The following ABCD3 variants were observed in gnomAD, a reference collection of about 807,000 sequenced individuals.
The protein encoded by ABCD3 is ATP binding cassette subfamily D member 3.
ABCD3 carries 41 observed loss-of-function variants against 105.5 expected under a neutral mutation model. The ratio of observed to expected loss-of-function variants is 0.39; its 90% CI spans 0.30 to 0.50. ABCD3 has a LOEUF of 0.50. ABCD3 is among the 20% of genes least tolerant of loss of function. ABCD3 has a pLI of 0.84. For synonymous variants in ABCD3, 258 were observed against 269.0 expected (o/e 0.96, Z 0.40); for missense variants, 622 against 806.3 (o/e 0.77, Z 2.77).
At chr1:94,476,555 G>A (rs751405299) in intron 7 of ABCD3, among the ~76,000 whole-genome samples, 5 of 152,042 alleles carry the variant, frequency 3.3e-5, no homozygotes, top group African/African-American at 9.7e-5. Context: ...CTTTGCCTCT[G>A]GTCACAGTTG....
chr1:94,478,864 T>C (rs893711051), intron 8 of ABCD3: 5 of 252,376 alleles, frequency 2.0e-5, no homozygotes, highest in Non-Finnish European at 3.5e-5. Context: ...ATGTAAATGG[T>C]TGGCTATCCC....
intron 1 of ABCD3, 175 bp downstream of exon 1, chr1:94,418,763 C>T: frequency 1.5e-6 from 1 of 661,822 alleles, no homozygotes. Flanking sequence ...CCCGCCACGA[C>T]GGCGTCGGTC....
chr1:94,424,036 GC>G (rs1284837109), intron 1 of ABCD3, among the ~76,000 whole-genome samples: 1 of 152,060 alleles, frequency 6.6e-6, no homozygotes, highest in Non-Finnish European at 1.5e-5. Context: ...ATGTTATATG[GC>G]CCCGTTTGGA....
chr1:94,499,202 A>T (rs1041866689), intron 19 of ABCD3, among the ~76,000 whole-genome samples, 168 bp downstream of exon 19: 1 of 152,222 alleles, frequency 6.6e-6, no homozygotes, highest in Non-Finnish European at 1.5e-5. Flanking sequence ...TTGGCTTAAA[A>T]AGAGTTTAAT....
the ABCD3 span, among the ~76,000 whole-genome samples, chr1:94,389,392 AAC>A: frequency 6.6e-6 from 1 of 152,178 alleles, no homozygotes; most frequent in Admixed American, 6.5e-5. Flanking sequence ...GAGGGCAAGG[AAC>A]ACCTGGCCCA....
chr1:94,443,553 T>G (rs1174580808), intron 1 of ABCD3, among the ~76,000 whole-genome samples: 1 of 152,236 alleles, frequency 6.6e-6, no homozygotes, highest in African/African-American at 2.4e-5. Context: ...AGAAGAGCTT[T>G]TCTCTTGTTT....
chr1:94,421,289 A>T (rs2100865115), intron 1 of ABCD3, among the ~76,000 whole-genome samples: 1 of 152,256 alleles, frequency 6.6e-6, no homozygotes, highest in South Asian at 2.1e-4. Flanking sequence ...TACATTTTTT[A>T]AACAAATGGA....
intron 8 of ABCD3, 106 bp from the exon 9 acceptor site, chr1:94,480,358 C>A: frequency 2.8e-6 from 4 of 1,433,616 alleles, no homozygotes; most frequent in Non-Finnish European, 3.9e-6. Context: ...AGGGCAATTT[C>A]TTTCAGTCAT....
chr1:94,439,911 G>A (rs920979502), intron 1 of ABCD3, among the ~76,000 whole-genome samples: 4 of 152,144 alleles, frequency 2.6e-5, no homozygotes, highest in African/African-American at 9.7e-5. Context: ...AGGTTGGAAT[G>A]CAGTGGCTAT....
chr1:94,473,722 T>A lies in ABCD3; in HGVS notation c.336-44T>A, dbSNP rs565701264. Reference sequence around the variant, plus strand: ...TACAGAAGTTTTCCTAGTGTTAGATTTTGCTTCTTTTGCAACTAATGCATT... The same window carrying A: ...TACAGAAGTTTTCCTAGTGTTAGATATTGCTTCTTTTGCAACTAATGCATT... On this transcript the variant is annotated intron_variant, in intron 4 of 22. Coordinates refer to ENST00000370214, the MANE Select transcript of ABCD3 (RefSeq NM_002858.4). 71 of 1,461,570 alleles carry A rather than the reference T, an allele frequency of 4.9e-5. No homozygotes were observed. In the Admixed American group the frequency reaches 1.2e-3, roughly 24 times the overall value. The allele number at this position is 1,461,570 out of a possible 1,614,324, so 90.5% of individuals were successfully genotyped here.
At chr1:94,458,584 C>T (rs772993028) in intron 1 of ABCD3, 23 bp from the exon 2 acceptor site, 14 of 1,606,370 alleles carry the variant, frequency 8.7e-6, no homozygotes, top group African/African-American at 1.3e-5. Context: ...GTAAAGCTCT[C>T]TCTCTCTTTT....
intron 1 of ABCD3, among the ~76,000 whole-genome samples, chr1:94,448,345 C>T (rs993534065): frequency 6.6e-5 from 10 of 152,150 alleles, no homozygotes; most frequent in African/African-American, 2.2e-4. Context: ...TGGGTATTCT[C>T]GATAATCATT....
At chr1:94,399,559 ACAGT>A in the ABCD3 span, among the ~76,000 whole-genome samples, 4 of 152,218 alleles carry the variant, frequency 2.6e-5, no homozygotes, top group Non-Finnish European at 2.9e-5. Context: ...TTAAAATTAC[ACAGT>A]CATTTATGAG....
chr1:94,511,665 A>AT, intron 21 of ABCD3, among the ~76,000 whole-genome samples: 1 of 152,130 alleles, frequency 6.6e-6, no homozygotes, highest in South Asian at 2.1e-4. Flanking sequence ...ACATAGTCCC[A>AT]TATTTCTTGG....
chr1:94,464,796 G>T lies in ABCD3; in HGVS notation c.169G>T (p.Ala57Ser). The T allele has an allele frequency of 6.2e-7, 1 of 1,613,704 alleles. No homozygotes were observed. Among genetic ancestry groups the T allele is most frequent in the Non-Finnish European group, 8.5e-7 (1 of 1,179,886 alleles). The change falls in exon 3 of 23, where the codon GCT becomes TCT. Residue 57 changes from alanine (A) to serine (S), a missense_variant. Transcript: ENST00000370214. Reference protein sequence around the residue: ...NNEKEGKKERAVVDKVFFSRL... With the variant: ...NNEKEGKKERSVVDKVFFSRL... Reference sequence around the variant, plus strand: ...GCAGAAAGAGGGGAAAAAGGAGCGAGCTGTGGTGGACAAGGTGTTTTTCTC... The same window carrying T: ...GCAGAAAGAGGGGAAAAAGGAGCGATCTGTGGTGGACAAGGTGTTTTTCTC...
chr1:94,483,406 T>A (rs934031667), intron 10 of ABCD3, among the ~76,000 whole-genome samples, 167 bp downstream of exon 10: 3 of 152,192 alleles, frequency 2.0e-5, no homozygotes, highest in South Asian at 4.1e-4. Context: ...ACTGCATTTT[T>A]AATAAAAAAT....
chr1:94,452,927 A>G (rs1055963039), intron 1 of ABCD3, among the ~76,000 whole-genome samples: 9 of 151,932 alleles, frequency 5.9e-5, no homozygotes, highest in African/African-American at 1.9e-4. Flanking sequence ...TAATAGAGAC[A>G]GGGTTTCACC....
Position 94,512,390 on chromosome 1 carries a change from TTATA to T in ABCD3, c.1846-2752_1846-2749del, listed in dbSNP as rs1650719475. On this transcript the variant is annotated intron_variant, in intron 21 of 22. Transcript: ENST00000370214. ...TATTTAAATCTCTTTATAATTCTCT[TTATA>T]TATGGGAAATATATTTAAATATGTT... Among the ~76,000 whole-genome samples, 5 of 151,856 alleles carry T rather than the reference TTATA, an allele frequency of 3.3e-5. No individual in the cohort carries two copies. The South Asian group carries it at 1.0e-3, about 31-fold the overall frequency.
Position 94,492,158 on chromosome 1 carries a change from C to G in ABCD3, c.1386+911C>G, listed in dbSNP as rs138989792. Among the ~76,000 whole-genome samples, 370 of 152,210 alleles carry G rather than the reference C, an allele frequency of 2.4e-3. 1 individual carries two copies. The highest frequency in any genetic ancestry group is 7.8e-3 in the African/African-American group (326 of 41,536). ...TTAAATAGCCACATGTGAGTAGTGG[C>G]TATGGTATTGGACAGCACAGCTCTA... is the stretch of plus-strand genomic sequence containing the variant. On this transcript the variant is annotated intron_variant, in intron 16 of 22. Coordinates refer to ENST00000370214, the MANE Select transcript of ABCD3 (RefSeq NM_002858.4).
Sources: allele counts gnomAD v4.1 joint callset (sites outside exome capture counted in the v4.1 genomes callset), GRCh38; gene constraint gnomAD v4.1.1; transcripts MANE v1.5; gene names NCBI Gene and HGNC (gene_info 2026-07-23, HGNC 2026-07-21).